Variants in AEBP2 observed in about 807,000 individuals in gnomAD.
The protein encoded by AEBP2 is zinc finger protein AEBP2.
In AEBP2, 10 loss-of-function variants were observed where a neutral mutation model predicts 50.8. The ratio of observed to expected loss-of-function variants is 0.20; its 90% CI spans 0.12 to 0.33. The LOEUF (loss-of-function observed/expected upper bound fraction) is 0.33. Among genes scored for constraint, AEBP2 ranks in the 10% least tolerant of loss-of-function variants. The probability of loss-of-function intolerance (pLI) is 1.00; values close to 1 mark genes in which losing one functional copy is unlikely to be tolerated. For synonymous variants in AEBP2, 296 were observed against 261.3 expected, an observed-to-expected ratio of 1.13 and a Z score of -1.28; for missense variants, 570 against 688.0, an observed-to-expected ratio of 0.83 and a Z score of 1.92.
chr12:19,444,498 C>G (rs534948429), intron 1 of AEBP2, among the ~76,000 whole-genome samples: 1 of 152,232 alleles, frequency 6.6e-6, no homozygotes, highest in South Asian at 2.1e-4. Flanking sequence ...TTTGGGAGGC[C>G]GAGGAGGGCA....
intron 4 of AEBP2, among the ~76,000 whole-genome samples, chr12:19,499,077 T>C (rs532465384): frequency 1.3e-5 from 2 of 152,210 alleles, no homozygotes; most frequent in Non-Finnish European, 2.9e-5. Flanking sequence ...TTATGATTTA[T>C]AAGGCATTTT....
At chr12:19,466,720 A>G (rs1301749507) in intron 2 of AEBP2, 2 of 865,178 alleles carry the variant, frequency 2.3e-6, no homozygotes, top group African/African-American at 3.7e-5. Flanking sequence ...ATTTTTTTAG[A>G]TTTCTTATTT....
rs1025715070 is a variant in AEBP2, at chr12:19,500,031, C to G, written c.1175-66C>G. 4 of 1,382,512 alleles carry G rather than the reference C, an allele frequency of 2.9e-6. No individual in the cohort carries two copies. The African/African-American group carries it at 4.4e-5, about 15-fold the overall frequency. The allele number at this position is 1,382,512 out of a possible 1,614,324, so 85.6% of individuals were successfully genotyped here. A position where few individuals can be genotyped will look rare whatever the true frequency, so the allele number is the denominator to read the frequency against. ...ATAGATATGTATTTGTTAATTGTTT[C>G]CATCTTTATTACTTATTACTGTTAT... On this transcript the variant is annotated intron_variant, in intron 4 of 7. Coordinates refer to ENST00000266508, the MANE Select transcript of AEBP2 (RefSeq NM_153207.5).
intron 5 of AEBP2, among the ~76,000 whole-genome samples, chr12:19,509,877 G>T (rs1467121785): frequency 8.2e-6 from 1 of 121,888 alleles, no homozygotes; most frequent in Non-Finnish European, 1.6e-5. Context: ...TTGTTGCTTG[G>T]ACTGGAGTGC....
chr12:19,501,797 G>GTTTGTTTTTTTTTTTTTTTT (rs60750234), intron 5 of AEBP2, among the ~76,000 whole-genome samples: 4 of 70,870 alleles, frequency 5.6e-5, no homozygotes, highest in Non-Finnish European at 8.1e-5. Flanking sequence ...AAATGAGTTT[G>GTTTGTTTTTTTTTTTTTTTT]TTTTTTTTTT....
intron 1 of AEBP2, among the ~76,000 whole-genome samples, chr12:19,407,442 T>C (rs749798322): frequency 1.3e-4 from 20 of 152,110 alleles, no homozygotes; most frequent in Non-Finnish European, 2.4e-4. Context: ...TAGCTGGGAT[T>C]ACAGGCGCAC....
In AEBP2 at chr12:19,508,141, T is replaced by A. The variant is rs544365529; in HGVS notation, c.1300-4257T>A. On this transcript the variant is annotated intron_variant, in intron 5 of 7. Coordinates refer to ENST00000266508, the MANE Select transcript of AEBP2 (RefSeq NM_153207.5). ...GTTTTAGCAGCTCCAGACCTGTGTTTGGGCTTTTAAATTTTGTTGCCAAGT... is the reference window on the plus strand; with the variant it reads ...GTTTTAGCAGCTCCAGACCTGTGTTAGGGCTTTTAAATTTTGTTGCCAAGT... Among the ~76,000 whole-genome samples, 20 of 152,334 alleles carry A rather than the reference T, an allele frequency of 1.3e-4. No individual in the cohort carries two copies. In the South Asian group the frequency reaches 3.9e-3, roughly 30 times the overall value.
intron 7 of AEBP2, among the ~76,000 whole-genome samples, chr12:19,517,180 G>C (rs1949332419): frequency 6.6e-6 from 1 of 152,092 alleles, no homozygotes; most frequent in East Asian, 1.9e-4. Context: ...TAAATTTCTG[G>C]ATTTTGACTG....
upstream of AEBP2, among the ~76,000 whole-genome samples, chr12:19,436,377 G>A (rs527859444): frequency 6.6e-6 from 1 of 152,184 alleles, no homozygotes; most frequent in South Asian, 2.1e-4. Context: ...GACCATAAAA[G>A]TGGCCAGCCA....
rs540055593 is a variant in AEBP2 at position 19,478,671 on chromosome 12, C to T, written c.987+5316C>T. ...GCCCACTGGTTTTGATAAGTTGTGA[C>T]ACTATTATTGTTCAAATAATTTTTT... On this transcript the variant is annotated intron_variant, in intron 3 of 7. Coordinates refer to ENST00000266508, the MANE Select transcript of AEBP2 (RefSeq NM_153207.5). Among the ~76,000 whole-genome samples the T allele has an allele frequency of 2.6e-5, 4 of 152,248 alleles. 1 individual carries two copies. The highest frequency in any genetic ancestry group is 9.6e-5 in the African/African-American group (4 of 41,544).
chr12:19,468,208 A>G (rs1043958130), intron 2 of AEBP2, among the ~76,000 whole-genome samples: 9 of 150,048 alleles, frequency 6.0e-5, no homozygotes, highest in Non-Finnish European at 5.9e-5. Context: ...TAGTCTTACT[A>G]TGTTGTCCAG....
chr12:19,501,173 T>C (rs1469790565), intron 5 of AEBP2, among the ~76,000 whole-genome samples: 1 of 151,490 alleles, frequency 6.6e-6, no homozygotes, highest in African/African-American at 2.4e-5. Context: ...CTACTAAAAA[T>C]ACAAAAAATT....
intron 7 of AEBP2, among the ~76,000 whole-genome samples, chr12:19,517,464 A>G (rs1220237163): frequency 6.6e-6 from 1 of 152,340 alleles, no homozygotes; most frequent in East Asian, 1.9e-4. Flanking sequence ...AATAAGACCA[A>G]TATAGTGTAA....
At chr12:19,501,069 C>T (rs1434217440) in intron 5 of AEBP2, among the ~76,000 whole-genome samples, 1 of 152,158 alleles carries the variant, frequency 6.6e-6, no homozygotes, top group Non-Finnish European at 1.5e-5. Flanking sequence ...GTGGCTCATG[C>T]CTGTAATCCC....
chr12:19,457,076 T>C, intron 1 of AEBP2: 1 of 1,605,694 alleles, frequency 6.2e-7, no homozygotes, highest in Non-Finnish European at 8.5e-7. Context: ...AATGCTTCTG[T>C]GTCGGGGTTG....
rs377400387 is a variant in AEBP2, at chr12:19,471,024, A to C, written c.880-2224A>C. Among the ~76,000 whole-genome samples the C allele has an allele frequency of 1.7e-4, 25 of 148,008 alleles. No individual in the cohort carries two copies. The East Asian group carries it at 1.7e-3, about 10-fold the overall frequency. ...CGGCAATGACTTGTGCACCAAACTA[A>C]TAATATGATTTCTGAGAGAATTTTA... On this transcript the variant is annotated intron_variant, in intron 2 of 7. Transcript: ENST00000266508.
chr12:19,415,041 G>T (rs2095741478), intron 1 of AEBP2, among the ~76,000 whole-genome samples: 1 of 151,792 alleles, frequency 6.6e-6, no homozygotes, highest in African/African-American at 2.4e-5. Context: ...ATATGGGCCA[G>T]GTGTGGTGGC....
chr12:19,509,620 G>A (rs1218026468), intron 5 of AEBP2, among the ~76,000 whole-genome samples: 5 of 152,134 alleles, frequency 3.3e-5, no homozygotes, highest in East Asian at 1.9e-4. Flanking sequence ...TAGTGGCTGC[G>A]CCTGTGGTTC....
At chr12:19,500,903 C>T (rs969808831) in intron 5 of AEBP2, among the ~76,000 whole-genome samples, 1 of 152,094 alleles carries the variant, frequency 6.6e-6, no homozygotes, top group Non-Finnish European at 1.5e-5. Flanking sequence ...TTCTTTCTTC[C>T]ATGCCTCTTC....
Sources: allele counts gnomAD v4.1 joint callset (sites outside exome capture counted in the v4.1 genomes callset), GRCh38; gene constraint gnomAD v4.1.1; transcripts MANE v1.5; gene names NCBI Gene and HGNC (gene_info 2026-07-23, HGNC 2026-07-21).